Variants in NEIL1 observed in about 807,000 individuals in gnomAD.
NEIL1 encodes endonuclease 8-like 1.
Under a neutral mutation model 44.2 loss-of-function variants are expected in NEIL1, and 31 were observed. The observed-to-expected ratio is 0.70, with a 90% confidence interval of 0.53 to 0.95. The LOEUF is 0.95. NEIL1 is among the 40% of genes least tolerant of loss of function. The pLI is 0.00. For missense variants in NEIL1, 549 were observed against 515.5 expected (o/e 1.07, Z -0.63); for synonymous variants, 254 against 209.7 (o/e 1.21, Z -1.83).
rs371535562 is a variant in NEIL1 at position 75,354,855 on chromosome 15, C to A, written c.1102+37C>A. 1.1e-4 allele frequency: 184 copies of A among 1,613,604 alleles called. 1 individual carries two copies. In the African/African-American group the frequency reaches 2.1e-3, roughly 18 times the overall value. ...TCATCACTCCCAGAAACTGGCTCTA[C>A]AGGAGAGGATGGGATGGTGGCCTAG... On this transcript the variant is annotated intron_variant, in intron 9 of 9. Transcript: ENST00000355059.
In NEIL1 at chr15:75,347,095, A is replaced by C. The variant is rs1408070298; in HGVS notation, c.-401A>C. On this transcript the variant is annotated 5_prime_UTR_variant, in exon 1 of 10. Coordinates refer to ENST00000355059, the MANE Select transcript of NEIL1 (RefSeq NM_024608.4). ...CTTTCTGATTTCAGAGACTCTCCGC[A>C]ACAGAACCATCTCAAGTGGGTCTAC... 2.0e-5 allele frequency: 3 copies of C among 152,230 alleles called. No homozygotes were observed. Among genetic ancestry groups the C allele is most frequent in the Admixed American group, 6.5e-5 (1 of 15,292 alleles). 9.4% of individuals were successfully genotyped at this position (152,230 alleles called of 1,614,324 possible).
intron 1 of NEIL1, chr15:75,348,420 G>A: frequency 9.9e-7 from 1 of 1,007,574 alleles, no homozygotes; most frequent in African/African-American, 1.7e-5. Flanking sequence ...GACCCTTTCA[G>A]ATGGTGGGAG....
At chr15:75,351,274 CTTTTT>C (rs11422837) in intron 2 of NEIL1, 104 of 360,842 alleles carry the variant, frequency 2.9e-4, no homozygotes, top group Middle Eastern at 9.2e-4. Flanking sequence ...CCTCATGTTG[CTTTTT>C]TTTTTTTTTT....
At position 75,353,792 on chromosome 15, in the gene NEIL1, G is replaced by A. The variant is rs751183037; in HGVS notation, c.772G>A (p.Ala258Thr). The change falls in exon 6 of 10, where the codon GCC becomes ACC. Residue 258 changes from alanine (A) to threonine (T), a missense_variant. Physicochemically the swap from Ala to Thr is moderately conservative, Grantham distance 58. Transcript: ENST00000355059. ...SGEEDFAAFR[A>T]WLRCYGMPGM... is the part of the protein sequence containing the mutation. ...GGAGGAGGACTTTGCTGCCTTTCGA[G>A]CCTGGCTGCGCTGCTATGGCATGCC... is the stretch of plus-strand genomic sequence containing the variant. 2 of 1,614,074 alleles carry A rather than the reference G, an allele frequency of 1.2e-6. No homozygotes were observed. Among genetic ancestry groups the A allele is most frequent in the Admixed American group, 1.7e-5 (1 of 60,024 alleles).
intron 7 of NEIL1, 27 bp from the exon 8 acceptor site, chr15:75,354,404 T>C: frequency 6.2e-7 from 1 of 1,613,976 alleles, no homozygotes; most frequent in Non-Finnish European, 8.5e-7. Flanking sequence ...GATAGGACCC[T>C]CCAACTCCAA....
intron 1 of NEIL1, chr15:75,348,638 A>C: frequency 7.3e-7 from 1 of 1,376,642 alleles, no homozygotes; most frequent in South Asian, 1.7e-5. Flanking sequence ...AAGCCCATGG[A>C]AGGAAGCGGT....
chr15:75,356,364 G>A lies in NEIL1; in HGVS notation c.*1330G>A, dbSNP rs760251693. Reference sequence around the variant, plus strand: ...CGGAAAACGCACTCCAGGAGGTGGCGGGCGCTGGGCTGGGGGCTGGCAGAG... The same window carrying A: ...CGGAAAACGCACTCCAGGAGGTGGCAGGCGCTGGGCTGGGGGCTGGCAGAG... On this transcript the variant is annotated 3_prime_UTR_variant, in exon 10 of 10. Transcript: ENST00000355059. This position sits in a 1 kb window ranked among gnomAD's most constrained non-coding sequence, Gnocchi z 5.8. 37 of 1,611,756 alleles carry A rather than the reference G, an allele frequency of 2.3e-5. No homozygotes were observed. Among genetic ancestry groups the A allele is most frequent in the Non-Finnish European group, 2.6e-5 (31 of 1,179,254 alleles).
intron 2 of NEIL1, chr15:75,349,668 G>A (rs1459944313): frequency 7.5e-6 from 2 of 268,270 alleles, no homozygotes; most frequent in East Asian, 1.6e-4. Flanking sequence ...ACAAAAATTA[G>A]CCGGGCATGG....
intron 2 of NEIL1, 27 bp downstream of exon 2, chr15:75,349,366 C>A: frequency 6.4e-7 from 1 of 1,569,192 alleles, no homozygotes; most frequent in Non-Finnish European, 8.6e-7. Flanking sequence ...GTGTGATGAA[C>A]ATAGTCGCGG....
intron 2 of NEIL1, 83 bp downstream of exon 2, chr15:75,349,422 G>A: frequency 3.0e-6 from 4 of 1,323,810 alleles, no homozygotes; most frequent in South Asian, 1.4e-5. Context: ...AACAAGGGGC[G>A]AGTCCCTGCC....
Position 75,356,698 on chromosome 15 carries a change from G to C in NEIL1, c.*1664G>C, listed in dbSNP as rs370025675. On this transcript the variant is annotated 3_prime_UTR_variant, in exon 10 of 10. Transcript: ENST00000355059. This position sits in a 1 kb window ranked among gnomAD's most constrained non-coding sequence, Gnocchi z 5.8. ...AGGCGCCCGCAAGCTGGGGTGAGGA[G>C]GGCGCGTAGGGGCCACGCTGAAGCT... The C allele has an allele frequency of 9.3e-6, 15 of 1,604,448 alleles. No homozygotes were observed. Among genetic ancestry groups the C allele is most frequent in the African/African-American group, 4.0e-5 (3 of 74,682 alleles).
chr15:75,347,965 C>T (rs1595848830), intron 1 of NEIL1: 1 of 1,246,152 alleles, frequency 8.0e-7, no homozygotes, highest in Admixed American at 2.4e-5. Context: ...TAAGGCACAC[C>T]TTCGCCTCCG....
chr15:75,353,815 G>A lies in NEIL1; in HGVS notation c.795G>A (p.Met265Ile), dbSNP rs1438559359. 6.2e-7 allele frequency: 1 copy of A among 1,613,850 alleles called. No homozygotes were observed. The highest frequency in any genetic ancestry group is 2.2e-5 in the East Asian group (1 of 44,890). The change falls in exon 6 of 10, where the codon ATG becomes ATA. Residue 265 changes from methionine (M) to isoleucine (I), a missense_variant. Physicochemically the swap from Met to Ile is conservative, Grantham distance 10 (BLOSUM62 1). Coordinates refer to ENST00000355059, the MANE Select transcript of NEIL1 (RefSeq NM_024608.4). ...GAGCCTGGCTGCGCTGCTATGGCAT[G>A]CCAGGCATGAGCTCCCTGCAGGACC... ...AFRAWLRCYG[M>I]PGMSSLQDRH...
chr15:75,350,089 C>T (rs879478893), intron 2 of NEIL1, among the ~76,000 whole-genome samples: 11 of 152,252 alleles, frequency 7.2e-5, no homozygotes, highest in Non-Finnish European at 1.5e-4. Context: ...CTCCCACATC[C>T]GGCCTGCCCA....
At chr15:75,349,699 A>G in intron 2 of NEIL1, 1 of 222,854 alleles carries the variant, frequency 4.5e-6, no homozygotes, top group Non-Finnish European at 9.1e-6. Flanking sequence ...CTGTAACCCC[A>G]GCTACTTGGG....
Position 75,356,086 on chromosome 15 carries a change from C to G in NEIL1, c.*1052C>G. ...CTGCGAGGGCGAGACTCGACCCCCG[C>G]CCCAATCCCACACCGCCACTCACAG... On this transcript the variant is annotated 3_prime_UTR_variant, in exon 10 of 10. Coordinates refer to ENST00000355059, the MANE Select transcript of NEIL1 (RefSeq NM_024608.4). The surrounding 1 kb of genome is among the most constrained non-coding windows in gnomAD (Gnocchi z 5.8). 1 of 1,613,596 alleles carries G rather than the reference C, an allele frequency of 6.2e-7. No individual in the cohort carries two copies. Among genetic ancestry groups the G allele is most frequent in the Middle Eastern group, 1.7e-4 (1 of 6,060 alleles).
In NEIL1 at chr15:75,355,675, A is replaced by ACAG. The variant is rs1191419386; in HGVS notation, c.*642_*644dup. 3.8e-6 allele frequency: 2 copies of ACAG among 525,576 alleles called. No homozygotes were observed. The highest frequency in any genetic ancestry group is 6.8e-6 in the Non-Finnish European group (2 of 294,200). 32.6% of individuals were successfully genotyped at this position (525,576 alleles called of 1,614,324 possible). Reference sequence around the variant, plus strand: ...GGGCTGCAACCCAGACCCTGCACGCACAGGTACCTTAGGATCTTGCCCCTA... The same window carrying ACAG: ...GGGCTGCAACCCAGACCCTGCACGCACAGCAGGTACCTTAGGATCTTGCCCCTA... On this transcript the variant is annotated 3_prime_UTR_variant, in exon 10 of 10. Transcript: ENST00000355059.
In NEIL1 at chr15:75,355,492, GC is replaced by G; in HGVS notation, c.*463del. On this transcript the variant is annotated 3_prime_UTR_variant, in exon 10 of 10. Transcript: ENST00000355059. ...TCCAGATTCTCCAGGGTCCAGGGCT[GC>G]CCCCTCATCCTGGCAGGAGCCAGGC... The G allele has an allele frequency of 4.1e-6, 1 of 243,094 alleles. No individual in the cohort carries two copies. Among genetic ancestry groups the G allele is most frequent in the Non-Finnish European group, 8.0e-6 (1 of 125,008 alleles). The allele number at this position is 243,094 out of a possible 1,614,324, so 15.1% of individuals were successfully genotyped here.
In NEIL1 at chr15:75,347,804, G is replaced by A. The variant is rs918401884; in HGVS notation, c.-23+331G>A. On this transcript the variant is annotated intron_variant, in intron 1 of 9. Transcript: ENST00000355059. Reference sequence around the variant, plus strand: ...CGCAGCGGGGGCATGGGGAGGACGGGCCCGAGAGCGCCGCTCCTCCCCAAA... The same window carrying A: ...CGCAGCGGGGGCATGGGGAGGACGGACCCGAGAGCGCCGCTCCTCCCCAAA... The A allele has an allele frequency of 4.1e-5, 47 of 1,138,282 alleles. No individual in the cohort carries two copies. In the East Asian group the frequency reaches 9.7e-4, roughly 24 times the overall value. The allele number at this position is 1,138,282 out of a possible 1,614,324, so 70.5% of individuals were successfully genotyped here.
Sources: allele counts gnomAD v4.1 joint callset (sites outside exome capture counted in the v4.1 genomes callset), GRCh38; gene constraint gnomAD v4.1.1; non-coding constraint Gnocchi (gnomAD v3.1); transcripts MANE v1.5; gene names NCBI Gene and HGNC (gene_info 2026-07-23, HGNC 2026-07-21).